The following NCOR1 variants were observed in gnomAD, a reference collection of about 807,000 sequenced individuals.
NCOR1 encodes protein phosphatase 1, regulatory subunit 109.
A neutral mutation model predicts 288.1 loss-of-function variants in NCOR1; 63 were observed. That is an observed-to-expected ratio of 0.22 (90% CI 0.18 to 0.27). The LOEUF is 0.27. Among genes scored for constraint, NCOR1 ranks in the 10% least tolerant of loss-of-function variants. The pLI is 1.00. For synonymous variants in NCOR1, 1,007 were observed against 1,065.9 expected (o/e 0.94, Z 1.08); for missense variants, 2,397 against 3,019.2 (o/e 0.79, Z 4.83).
intron 1 of NCOR1, among the ~76,000 whole-genome samples, chr17:16,199,582 C>T (rs1223791139): frequency 6.6e-6 from 1 of 152,076 alleles, no homozygotes; most frequent in Non-Finnish European, 1.5e-5. Context: ...TAAGATACCT[C>T]GGCAGAATAC....
intron 28 of NCOR1, among the ~76,000 whole-genome samples, chr17:16,072,892 C>G (rs568236369): frequency 5.3e-4 from 80 of 152,316 alleles, no homozygotes; most frequent in African/African-American, 1.9e-3. Flanking sequence ...TGATCATGTA[C>G]TGAAGCCATA....
intron 40 of NCOR1, among the ~76,000 whole-genome samples, chr17:16,053,482 C>G (rs2059549500): frequency 6.6e-6 from 1 of 152,006 alleles, no homozygotes; most frequent in South Asian, 2.1e-4. Flanking sequence ...TACAGCTAAC[C>G]AGGGAGGTGA....
In NCOR1 at chr17:16,137,906, C is replaced by T. The variant is rs139049720; in HGVS notation, c.1407+252G>A. 4.0e-4 allele frequency: 155 copies of T among 391,416 alleles called. No individual in the cohort carries two copies. In the East Asian group the frequency reaches 5.2e-3, roughly 13 times the overall value. The allele number at this position is 391,416 out of a possible 1,614,324, so 24.2% of individuals were successfully genotyped here. On this transcript the variant is annotated intron_variant, in intron 13 of 45. Coordinates refer to ENST00000268712, the MANE Select transcript of NCOR1 (RefSeq NM_006311.4). ...TATTTTAATTAGAAATTTAATGAGG[C>T]TCCAAAAGCATTGTAATCTATGTGT...
intron 21 of NCOR1, among the ~76,000 whole-genome samples, chr17:16,093,849 T>C (rs535023247): frequency 6.6e-6 from 1 of 152,216 alleles, no homozygotes; most frequent in African/African-American, 2.4e-5. Flanking sequence ...ACATCCATAG[T>C]ATTTTTTAAC....
intron 31 of NCOR1, among the ~76,000 whole-genome samples, chr17:16,069,307 A>G (rs1360099104): frequency 6.6e-6 from 1 of 152,086 alleles, no homozygotes; most frequent in Non-Finnish European, 1.5e-5. Flanking sequence ...CTAAAGCTAC[A>G]AGCATTTGGA....
chr17:16,186,435 G>T, intron 3 of NCOR1, 119 bp downstream of exon 3: 4 of 1,068,600 alleles, frequency 3.7e-6, no homozygotes, highest in Non-Finnish European at 3.9e-6. Flanking sequence ...AACTCAAAAT[G>T]CAAACTATAA....
intron 43 of NCOR1, 160 bp downstream of exon 43, chr17:16,040,281 T>A: frequency 1.4e-6 from 1 of 709,992 alleles, no homozygotes; most frequent in East Asian, 2.7e-5. Context: ...AGTTCCTTTC[T>A]GTGCTACTGG....
At position 16,072,442 on chromosome 17, in the gene NCOR1, T is replaced by C. The variant is rs545277421; in HGVS notation, c.3812-214A>G. Reference sequence around the variant, plus strand: ...AAATAAAAAATGGCCACCAAAGGCATCTAATGAAAGGTTGAAAAGGAAAGA... The same window carrying C: ...AAATAAAAAATGGCCACCAAAGGCACCTAATGAAAGGTTGAAAAGGAAAGA... On this transcript the variant is annotated intron_variant, in intron 28 of 45. Transcript: ENST00000268712. 1.0e-3 allele frequency among the ~76,000 whole-genome samples: 156 copies of C among 152,296 alleles called. 2 individuals are homozygous for C. The South Asian group carries it at 0.011, about 11-fold the overall frequency.
intron 21 of NCOR1, among the ~76,000 whole-genome samples, chr17:16,096,039 G>A (rs1382073515): frequency 6.6e-6 from 1 of 152,116 alleles, no homozygotes; most frequent in African/African-American, 2.4e-5. Flanking sequence ...CCAACCCTGT[G>A]CTCTCTGAAA....
At chr17:16,039,407 G>A (rs2057129402) in intron 44 of NCOR1, 26 bp downstream of exon 44, 1 of 1,602,904 alleles carries the variant, frequency 6.2e-7, no homozygotes. Flanking sequence ...AAAAGCAGCA[G>A]AAAAGCACTA....
chr17:16,070,344 C>A lies in NCOR1; in HGVS notation c.4334G>T (p.Arg1445Leu). The A allele has an allele frequency of 6.2e-7, 1 of 1,614,148 alleles. No homozygotes were observed. Among genetic ancestry groups the A allele is most frequent in the Non-Finnish European group, 8.5e-7 (1 of 1,180,022 alleles). ...GCTTACCACTGACGTGTGCCGGGAA[C>A]GCACGGTCTCGCCTGCTTTCACATC... is the stretch of plus-strand genomic sequence containing the variant. The part of the protein sequence containing the change: ...YEDVKAGETV[R>L]SRHTSVVSSG... The change falls in exon 31 of 46, where the codon CGT (arginine) becomes CTT (leucine). Residue 1445 changes from arginine to leucine, a missense_variant. Physicochemically the swap from Arg to Leu is moderately radical, Grantham distance 102. Around this residue, in one of 11 missense-constraint regions of NCOR1, gnomAD observed 1,872 missense variants for 2,187.8 expected, o/e 0.86. Transcript: ENST00000268712.
rs747350861 is a variant in NCOR1, at chr17:16,101,662, C to T, written c.2278G>A (p.Ala760Thr). The part of the protein sequence containing the change: ...AVELEPTTET[A>T]PSTSPSLAVP... ...GCTAAGGAGGGAGATGTACTGGGTG[C>T]AGTTTCCGTGGTGGGCTCAAGCTCA... Residue 760 changes from alanine (A) to threonine (T), a missense_variant, in exon 20 of 46, where the codon GCA (alanine) becomes ACA (threonine). Ala to Thr is a moderately conservative substitution (Grantham distance 58). This residue lies in a region of NCOR1 where 1,872 missense variants were observed against 2,187.8 expected (regional missense o/e 0.86). Coordinates refer to ENST00000268712, the MANE Select transcript of NCOR1 (RefSeq NM_006311.4). 6.2e-7 allele frequency: 1 copy of T among 1,614,186 alleles called. No homozygotes were observed. The highest frequency in any genetic ancestry group is 2.2e-5 in the East Asian group (1 of 44,882).
chr17:16,068,438 T>C (rs1301430356), intron 31 of NCOR1: 3 of 280,028 alleles, frequency 1.1e-5, no homozygotes, highest in African/African-American at 6.8e-5. Flanking sequence ...TTTTGTTTTT[T>C]GTATGACTTT....
intron 11 of NCOR1, among the ~76,000 whole-genome samples, chr17:16,142,832 G>T (rs1305345284): frequency 6.6e-6 from 1 of 152,128 alleles, no homozygotes; most frequent in African/African-American, 2.4e-5. Context: ...ATATACCTTG[G>T]TCTCTACTAC....
At chr17:16,095,801 G>C (rs979335048) in intron 21 of NCOR1, among the ~76,000 whole-genome samples, 1 of 151,646 alleles carries the variant, frequency 6.6e-6, no homozygotes, top group Non-Finnish European at 1.5e-5. Flanking sequence ...CCCTCTGCCC[G>C]GCCACCACCC....
chr17:16,133,365 G>T (rs185349276), intron 14 of NCOR1, among the ~76,000 whole-genome samples: 3 of 152,168 alleles, frequency 2.0e-5, no homozygotes, highest in African/African-American at 7.2e-5. Flanking sequence ...ATATTGACAG[G>T]ATCAAGCATA....
intron 3 of NCOR1, among the ~76,000 whole-genome samples, chr17:16,182,064 G>C (rs542001960): frequency 3.9e-5 from 6 of 152,086 alleles, no homozygotes; most frequent in Admixed American, 3.9e-4. Context: ...TGTTGGTCTA[G>C]AAATTGGAAG....
chr17:16,181,646 A>G (rs1405746374), intron 3 of NCOR1, among the ~76,000 whole-genome samples: 1 of 147,364 alleles, frequency 6.8e-6, no homozygotes, highest in Non-Finnish European at 1.5e-5. Flanking sequence ...AGATATGTTC[A>G]CTGGCTAAAC....
At chr17:16,080,865 G>A (rs772443426) in intron 23 of NCOR1, 138 bp from the exon 24 acceptor site, 10 of 858,466 alleles carry the variant, frequency 1.2e-5, no homozygotes, top group African/African-American at 3.4e-5. Context: ...ACCAAGAATA[G>A]TTTTTGTAAA....
Sources: gnomAD v4.1 joint callset for allele counts (sites outside exome capture counted in the v4.1 genomes callset) on GRCh38, gnomAD v4.1.1 for gene constraint, gnomAD v4.1.1 regional missense constraint, MANE v1.5 for transcripts, NCBI Gene and HGNC (gene_info 2026-07-23, HGNC 2026-07-21) for gene names.